The following CAMKMT variants were observed in gnomAD, a reference collection of about 807,000 sequenced individuals.
The protein encoded by CAMKMT is calmodulin-lysine N-methyltransferase.
Under a neutral mutation model 48.0 loss-of-function variants are expected in CAMKMT, and 53 were observed. That is an observed-to-expected ratio of 1.10 (90% CI 0.89 to 1.39). The LOEUF is 1.39. Among genes scored for constraint, CAMKMT ranks in the 40% most tolerant of loss-of-function variants. The pLI is 0.00. For missense variants in CAMKMT, 428 were observed against 402.7 expected (o/e 1.06, Z -0.54); for synonymous variants, 165 against 152.3 (o/e 1.08, Z -0.61).
In CAMKMT at chr2:44,600,884, G is replaced by A. The variant is rs192060146; in HGVS notation, c.377-103399G>A. On this transcript the variant is annotated intron_variant, in intron 3 of 10. Transcript: ENST00000378494. ...TTATAGTACAATGTTGAGTAGACTCGGGAATTTATGTAAGATGTGGCTAAC... is the reference window on the plus strand; with the variant it reads ...TTATAGTACAATGTTGAGTAGACTCAGGAATTTATGTAAGATGTGGCTAAC... 1.5e-4 allele frequency among the ~76,000 whole-genome samples: 23 copies of A among 152,100 alleles called. No individual in the cohort carries two copies. In the East Asian group the frequency reaches 4.3e-3, roughly 28 times the overall value.
intron 3 of CAMKMT, among the ~76,000 whole-genome samples, chr2:44,555,984 AG>A (rs1190641503): frequency 6.6e-6 from 1 of 152,146 alleles, no homozygotes. Flanking sequence ...AGTGAATGGG[AG>A]GAGCAGAAGT....
At chr2:44,398,028 C>CCT (rs200900482) in intron 3 of CAMKMT, among the ~76,000 whole-genome samples, 1 of 151,402 alleles carries the variant, frequency 6.6e-6, no homozygotes, top group Non-Finnish European at 1.5e-5. Flanking sequence ...ATTTTTCCCC[C>CCT]GAGCAAATAC....
intron 3 of CAMKMT, among the ~76,000 whole-genome samples, chr2:44,539,283 C>CAA (rs35929999): frequency 0.088 from 10,257 of 116,994 alleles, 483 homozygotes; most frequent in Admixed American, 0.17. Context: ...CCAGAAGTCT[C>CAA]AAAAAAAAAA....
At chr2:44,755,664 A>G (rs958400967) in intron 9 of CAMKMT, among the ~76,000 whole-genome samples, 1 of 152,144 alleles carries the variant, frequency 6.6e-6, no homozygotes, top group Non-Finnish European at 1.5e-5. Context: ...TGCCCAAGCT[A>G]TGAATAGACC....
chr2:44,729,592 C>T (rs1004281419), intron 7 of CAMKMT, among the ~76,000 whole-genome samples: 1 of 152,126 alleles, frequency 6.6e-6, no homozygotes, highest in Non-Finnish European at 1.5e-5. Flanking sequence ...GTCATATCAT[C>T]AGGGCAGGTG....
chr2:44,545,532 T>TTTTTG (rs889722576), intron 3 of CAMKMT, among the ~76,000 whole-genome samples: 11 of 152,178 alleles, frequency 7.2e-5, no homozygotes, highest in South Asian at 2.1e-4. Flanking sequence ...ACACATGCAG[T>TTTTTG]TTTTGTTTTG....
intron 3 of CAMKMT, among the ~76,000 whole-genome samples, chr2:44,538,019 A>C (rs1666876395): frequency 6.6e-6 from 1 of 152,220 alleles, no homozygotes; most frequent in Non-Finnish European, 1.5e-5. Context: ...ATAGCAGCAC[A>C]GTTCCAAATT....
intron 3 of CAMKMT, among the ~76,000 whole-genome samples, chr2:44,514,026 C>T (rs770541115): frequency 1.3e-5 from 2 of 149,740 alleles, no homozygotes; most frequent in Admixed American, 6.7e-5. Flanking sequence ...CACCTGGGTT[C>T]GGGAGGTGGA....
At chr2:44,770,305 G>A (rs919426765) in intron 10 of CAMKMT, among the ~76,000 whole-genome samples, 24 of 152,212 alleles carry the variant, frequency 1.6e-4, no homozygotes, top group African/African-American at 5.1e-4. Context: ...TCCCCATTGT[G>A]GAAAGGTCTC....
At chr2:44,429,269 GTGTGTGTA>G (rs1237073816) in intron 3 of CAMKMT, among the ~76,000 whole-genome samples, 4 of 90,606 alleles carry the variant, frequency 4.4e-5, no homozygotes, top group African/African-American at 1.2e-4. Flanking sequence ...ATGTGTGTGT[GTGTGTGTA>G]TGTGTGTGTG....
intron 3 of CAMKMT, among the ~76,000 whole-genome samples, chr2:44,483,807 G>A (rs1350716992): frequency 2.0e-5 from 3 of 152,102 alleles, no homozygotes; most frequent in Non-Finnish European, 4.4e-5. Context: ...TTCTAGCAAA[G>A]TTGTGATTCC....
chr2:44,635,962 T>C (rs1418821389), intron 3 of CAMKMT, among the ~76,000 whole-genome samples: 1 of 152,216 alleles, frequency 6.6e-6, no homozygotes, highest in African/African-American at 2.4e-5. Context: ...TATATAGATA[T>C]TTCAGTGGGC....
chr2:44,694,863 T>C (rs1234331406), intron 3 of CAMKMT, among the ~76,000 whole-genome samples: 1 of 152,232 alleles, frequency 6.6e-6, no homozygotes, highest in Non-Finnish European at 1.5e-5. Flanking sequence ...AGAACTCTTG[T>C]TTAGCCAATG....
intron 3 of CAMKMT, among the ~76,000 whole-genome samples, chr2:44,596,353 A>T (rs899211787): frequency 6.6e-6 from 1 of 151,932 alleles, no homozygotes; most frequent in African/African-American, 2.4e-5. Flanking sequence ...GGAGGCTGAG[A>T]TGGGAGAATT....
intron 1 of CAMKMT, chr2:44,369,957 C>A (rs2616450): frequency 0.86 from 130,902 of 152,170 alleles, 56,582 homozygotes; most frequent in African/African-American, 0.93. Flanking sequence ...TTGGCTGCTA[C>A]GGATTCCAGG....
chr2:44,702,504 G>A (rs1025038900), intron 3 of CAMKMT, among the ~76,000 whole-genome samples: 53 of 152,138 alleles, frequency 3.5e-4, no homozygotes, highest in African/African-American at 1.3e-3. Flanking sequence ...CTGTGAGGTT[G>A]ACAATACTGC....
chr2:44,455,966 T>C (rs886866588), intron 3 of CAMKMT, among the ~76,000 whole-genome samples: 2 of 152,154 alleles, frequency 1.3e-5, no homozygotes, highest in African/African-American at 2.4e-5. Context: ...TTATCATTCA[T>C]AAATATTAAG....
At chr2:44,642,277 A>G (rs1315724071) in intron 3 of CAMKMT, among the ~76,000 whole-genome samples, 1 of 152,216 alleles carries the variant, frequency 6.6e-6, no homozygotes, top group African/African-American at 2.4e-5. Flanking sequence ...CAAACCTAAA[A>G]GATAAGCAAA....
intron 8 of CAMKMT, among the ~76,000 whole-genome samples, chr2:44,753,837 C>A (rs1255112530): frequency 6.6e-6 from 1 of 152,180 alleles, no homozygotes; most frequent in Non-Finnish European, 1.5e-5. Flanking sequence ...TGAATCCTGG[C>A]CCATTGCATG....
Sources: allele counts gnomAD v4.1 joint callset (sites outside exome capture counted in the v4.1 genomes callset), GRCh38; gene constraint gnomAD v4.1.1; transcripts MANE v1.5; gene names NCBI Gene and HGNC (gene_info 2026-07-23, HGNC 2026-07-21).